The following ENTPD1 variants were observed in gnomAD, a reference collection of about 807,000 sequenced individuals.
The protein encoded by ENTPD1 is ATP diphosphohydrolase.
ENTPD1 carries 33 observed loss-of-function variants against 57.0 expected under a neutral mutation model. The observed-to-expected ratio is 0.58, with a 90% CI of 0.44 to 0.77. The LOEUF is 0.77. ENTPD1 is among the 30% of genes least tolerant of loss of function. The pLI, the probability that ENTPD1 is intolerant of heterozygous loss-of-function variation, is 0.00. For missense variants in ENTPD1, 501 were observed against 603.4 expected, an observed-to-expected ratio of 0.83 and a Z score of 1.78; for synonymous variants, 202 against 218.8, an observed-to-expected ratio of 0.92 and a Z score of 0.68.
chr10:95,755,191 C>T (rs2098019191), upstream of ENTPD1: 1 of 152,792 alleles, frequency 6.5e-6, no homozygotes, highest in Non-Finnish European at 1.5e-5. Context: ...AACATGGTAG[C>T]AAATAAGAGA....
At chr10:95,741,567 C>G (rs529879173) in intron 1 of ENTPD1, among the ~76,000 whole-genome samples, 5 of 152,168 alleles carry the variant, frequency 3.3e-5, no homozygotes, top group Non-Finnish European at 7.3e-5. Flanking sequence ...CGCTACAAAC[C>G]TTCAATTTGT....
At chr10:95,803,784 A>G (rs572143551) in intron 1 of ENTPD1, among the ~76,000 whole-genome samples, 3 of 152,292 alleles carry the variant, frequency 2.0e-5, no homozygotes, top group South Asian at 4.1e-4. Flanking sequence ...GCCCATACCT[A>G]TGTCCTGAAT....
intron 1 of ENTPD1, among the ~76,000 whole-genome samples, chr10:95,793,003 C>T (rs1259869651): frequency 1.3e-5 from 2 of 152,166 alleles, no homozygotes; most frequent in African/African-American, 4.8e-5. Context: ...GCTTACTATG[C>T]TTTCTTTGGG....
At chr10:95,717,890 C>A (rs1263357394) in intron 1 of ENTPD1, among the ~76,000 whole-genome samples, 1 of 152,168 alleles carries the variant, frequency 6.6e-6, no homozygotes, top group Admixed American at 6.5e-5. Flanking sequence ...TCATGGACAG[C>A]ATCTGGGGCT....
At position 95,867,873 on chromosome 10, in the gene ENTPD1, C is replaced by A. The variant is rs2098476123; in HGVS notation, c.*1490C>A. 1 of 985,384 alleles carries A rather than the reference C, an allele frequency of 1.0e-6. No individual in the cohort carries two copies. Among genetic ancestry groups the A allele is most frequent in the South Asian group, 4.7e-5 (1 of 21,280 alleles). The allele number at this position is 985,384 out of a possible 1,614,324, so 61.0% of individuals were successfully genotyped here. A position where few individuals can be genotyped will look rare whatever the true frequency, so the allele number is the denominator to read the frequency against. On this transcript the variant is annotated 3_prime_UTR_variant, in exon 10 of 10. Transcript: ENST00000371205. ...ATGATCAAGTCACTTTTGACAACAT[C>A]CAGGTGAATATAAAAACTTAATAAA...
At chr10:95,769,674 A>G (rs1032369523) in intron 1 of ENTPD1, among the ~76,000 whole-genome samples, 6 of 152,254 alleles carry the variant, frequency 3.9e-5, no homozygotes, top group Non-Finnish European at 7.3e-5. Context: ...ATAAAGGGAT[A>G]TAAGCAGAGA....
chr10:95,782,476 TG>T (rs1354918471), intron 1 of ENTPD1, among the ~76,000 whole-genome samples: 2 of 152,172 alleles, frequency 1.3e-5, no homozygotes, highest in Non-Finnish European at 2.9e-5. Flanking sequence ...TGAATATGAC[TG>T]GGGCTAGTAG....
In ENTPD1 at chr10:95,756,192, G is replaced by GGA. The variant is rs1555278458; in HGVS notation, c.-47_-46insAG. 2.3e-5 allele frequency: 31 copies of GGA among 1,370,554 alleles called. No individual in the cohort carries two copies. In the South Asian group the frequency reaches 3.6e-4, roughly 16 times the overall value. 84.9% of individuals were successfully genotyped at this position (1,370,554 alleles called of 1,614,324 possible). ...AGACGGACCACAGCAAGCAGAGGCTGGGGGGGGGAAAGACGAGGAAAGAGG... is the reference window on the plus strand; with the variant it reads ...AGACGGACCACAGCAAGCAGAGGCTGGAGGGGGGGGAAAGACGAGGAAAGAGG... On this transcript the variant is annotated 5_prime_UTR_variant, in exon 1 of 10. Coordinates refer to ENST00000371205, the MANE Select transcript of ENTPD1 (RefSeq NM_001776.6).
At chr10:95,772,549 A>G (rs915956196) in intron 1 of ENTPD1, among the ~76,000 whole-genome samples, 2 of 152,214 alleles carry the variant, frequency 1.3e-5, no homozygotes, top group Non-Finnish European at 2.9e-5. Flanking sequence ...ATGAGATTGC[A>G]GCCATTCATT....
In ENTPD1 at chr10:95,765,311, A is replaced by G. The variant is rs144647039; in HGVS notation, c.16+9056A>G. On this transcript the variant is annotated intron_variant, in intron 1 of 9. Transcript: ENST00000371205. ...ATCTATATTTTCTTCAAAGAGCTAC[A>G]TAGTTTTAGCCCTTGCATTTAGGTT... Among the ~76,000 whole-genome samples, 471 of 152,362 alleles carry G rather than the reference A, an allele frequency of 3.1e-3. 3 individuals are homozygous for G. The highest frequency in any genetic ancestry group is 2.7e-3 in the Non-Finnish European group (185 of 68,042).
chr10:95,755,501 A>C (rs1444787803), upstream of ENTPD1: 14 of 596,976 alleles, frequency 2.3e-5, no homozygotes, highest in Non-Finnish European at 3.3e-5. Flanking sequence ...ATTAGACTTC[A>C]AAGGTAGGAA....
chr10:95,870,861 G>A lies in ENTPD1; in HGVS notation c.*4478G>A. 1 of 985,422 alleles carries A rather than the reference G, an allele frequency of 1.0e-6. No individual in the cohort carries two copies. The highest frequency in any genetic ancestry group is 1.2e-6 in the Non-Finnish European group (1 of 829,940). 61.0% of individuals were successfully genotyped at this position (985,422 alleles called of 1,614,324 possible). The stretch of plus-strand genomic sequence containing the variant: ...CAGCCTCAAAGTTTCATGAATTGCT[G>A]CAGTAAACATTGATTTTCATGTTTG... On this transcript the variant is annotated 3_prime_UTR_variant, in exon 10 of 10. Coordinates refer to ENST00000371205, the MANE Select transcript of ENTPD1 (RefSeq NM_001776.6).
In ENTPD1 at chr10:95,876,344, T is replaced by C. The variant is rs1012077490; in HGVS notation, c.*9961T>C. ...GAAAATGGGGGCAAATACAGATAAATGGTAATTCTTAGAATGAACTACTCA... is the reference window on the plus strand; with the variant it reads ...GAAAATGGGGGCAAATACAGATAAACGGTAATTCTTAGAATGAACTACTCA... On this transcript the variant is annotated 3_prime_UTR_variant, in exon 10 of 10. Coordinates refer to ENST00000371205, the MANE Select transcript of ENTPD1 (RefSeq NM_001776.6). 13 of 985,254 alleles carry C rather than the reference T, an allele frequency of 1.3e-5. No individual in the cohort carries two copies. In the African/African-American group the frequency reaches 1.7e-4, roughly 13 times the overall value. 61.0% of individuals were successfully genotyped at this position (985,254 alleles called of 1,614,324 possible). A position where few individuals can be genotyped will look rare whatever the true frequency, so the allele number is the denominator to read the frequency against.
In ENTPD1 at chr10:95,814,809, G is replaced by T. The variant is rs1324962237; in HGVS notation, c.17-8428G>T. Among the ~76,000 whole-genome samples the T allele has an allele frequency of 3.9e-5, 6 of 152,148 alleles. No homozygotes were observed. In the South Asian group the frequency reaches 6.2e-4, roughly 16 times the overall value. On this transcript the variant is annotated intron_variant, in intron 1 of 9. Coordinates refer to ENST00000371205, the MANE Select transcript of ENTPD1 (RefSeq NM_001776.6). ...TCAAGAGATCAGTGGAACAGGACAT[G>T]GGTTATTTACTCAATTACCTTGTCT...
chr10:95,850,572 C>T (rs551522355), intron 7 of ENTPD1, among the ~76,000 whole-genome samples: 51 of 152,066 alleles, frequency 3.4e-4, no homozygotes, highest in Non-Finnish European at 6.6e-4. Flanking sequence ...TCTACCACAG[C>T]CTATTTCAAG....
intron 1 of ENTPD1, among the ~76,000 whole-genome samples, chr10:95,724,761 G>C (rs529854912): frequency 6.6e-6 from 1 of 152,322 alleles, no homozygotes; most frequent in Non-Finnish European, 1.5e-5. Context: ...GCAAGCGAAA[G>C]CTCAGCTCAA....
intron 8 of ENTPD1, among the ~76,000 whole-genome samples, chr10:95,861,985 G>T (rs948327341): frequency 6.6e-5 from 10 of 151,344 alleles, no homozygotes; most frequent in South Asian, 4.2e-4. Context: ...GACAGAGCAG[G>T]ACTCCATCTC....
intron 1 of ENTPD1, among the ~76,000 whole-genome samples, chr10:95,732,648 G>A (rs76369287): frequency 3.9e-5 from 6 of 152,064 alleles, no homozygotes; most frequent in South Asian, 2.1e-4. Context: ...GTTATTTCAC[G>A]TAGGTTCTTT....
intron 3 of ENTPD1, among the ~76,000 whole-genome samples, chr10:95,841,512 T>C (rs1431696176): frequency 6.6e-6 from 1 of 152,210 alleles, no homozygotes; most frequent in East Asian, 1.9e-4. Flanking sequence ...TAACACCAAA[T>C]TTTCTGAATC....
Sources: gnomAD v4.1 joint callset for allele counts (sites outside exome capture counted in the v4.1 genomes callset) on GRCh38, gnomAD v4.1.1 for gene constraint, MANE v1.5 for transcripts, NCBI Gene and HGNC (gene_info 2026-07-23, HGNC 2026-07-21) for gene names.